KCNIP4: variants seen among roughly 807,000 people sequenced by gnomAD.
The protein encoded by KCNIP4 is Kv channel-interacting protein 4.
Under a neutral mutation model 34.0 loss-of-function variants are expected in KCNIP4, and 12 were observed. The ratio of observed to expected loss-of-function variants is 0.35; its 90% CI spans 0.23 to 0.57. KCNIP4 has a LOEUF of 0.57. Ranked by LOEUF, KCNIP4 falls within the 20% of genes least tolerant of loss-of-function variation. The pLI, the probability that KCNIP4 is intolerant of heterozygous loss-of-function variation, is 0.83. For synonymous variants in KCNIP4, 124 were observed against 102.2 expected (o/e 1.21, Z -1.29); for missense variants, 238 against 311.7 (o/e 0.76, Z 1.78).
chr4:21,263,658 T>C (rs147333679), intron 1 of KCNIP4, among the ~76,000 whole-genome samples: 6 of 152,180 alleles, frequency 3.9e-5, no homozygotes, highest in African/African-American at 1.4e-4. Context: ...TAGCCAACTT[T>C]CTGTTTAATT....
intron 1 of KCNIP4, among the ~76,000 whole-genome samples, chr4:21,803,164 T>C (rs1243593853): frequency 1.3e-5 from 2 of 152,194 alleles, no homozygotes; most frequent in African/African-American, 4.8e-5. Flanking sequence ...AAACGTGCCA[T>C]GCATCAAGCC....
intron 1 of KCNIP4, among the ~76,000 whole-genome samples, chr4:21,395,422 C>G (rs562825231): frequency 2.6e-5 from 4 of 152,122 alleles, no homozygotes; most frequent in East Asian, 1.9e-4. Flanking sequence ...CCTATAGAAG[C>G]CTTTTCTCCC....
chr4:21,310,221 T>C (rs1712998741), intron 1 of KCNIP4, among the ~76,000 whole-genome samples: 1 of 151,922 alleles, frequency 6.6e-6, no homozygotes, highest in African/African-American at 2.4e-5. Flanking sequence ...TTAGTAGAGA[T>C]GGAGTTTCAC....
At chr4:21,387,562 C>T (rs920392787) in intron 1 of KCNIP4, among the ~76,000 whole-genome samples, 11 of 152,128 alleles carry the variant, frequency 7.2e-5, no homozygotes, top group African/African-American at 2.7e-4. Flanking sequence ...ACCTTAAAAA[C>T]TTTTCCATTT....
chr4:21,005,078 T>C (rs1738443271), intron 1 of KCNIP4, among the ~76,000 whole-genome samples: 1 of 152,206 alleles, frequency 6.6e-6, no homozygotes, highest in Non-Finnish European at 1.5e-5. Flanking sequence ...GACCTTTTCA[T>C]ATAAAATATT....
At chr4:21,252,040 GA>G (rs751783350) in intron 1 of KCNIP4, among the ~76,000 whole-genome samples, 8 of 148,252 alleles carry the variant, frequency 5.4e-5, no homozygotes, top group African/African-American at 1.5e-4. Context: ...AATATAATGG[GA>G]AAAAAAACAT....
rs571544432 is a variant in KCNIP4, at chr4:21,392,879, A to G, written c.62-510170T>C. ...TATGTACAAAGACAAGCACATTAGC[A>G]TATTCTATCTCATATCTCCCTTAAA... On this transcript the variant is annotated intron_variant, in intron 1 of 8. Coordinates refer to ENST00000382152, the MANE Select transcript of KCNIP4 (RefSeq NM_025221.6). 3.3e-5 allele frequency among the ~76,000 whole-genome samples: 5 copies of G among 152,340 alleles called. No homozygotes were observed. The East Asian group carries it at 7.7e-4, about 24-fold the overall frequency.
intron 2 of KCNIP4, among the ~76,000 whole-genome samples, chr4:20,860,714 C>G (rs1406926446): frequency 1.3e-5 from 2 of 152,058 alleles, no homozygotes; most frequent in Non-Finnish European, 2.9e-5. Context: ...CTAATGATAT[C>G]TTATGTATTA....
At chr4:21,521,719 T>C (rs1019778105) in intron 1 of KCNIP4, among the ~76,000 whole-genome samples, 6 of 152,176 alleles carry the variant, frequency 3.9e-5, no homozygotes, top group African/African-American at 1.4e-4. Context: ...CAATTTGGAC[T>C]ACTGAAATGC....
chr4:20,983,774 C>T (rs945511443), intron 1 of KCNIP4: 20 of 1,501,838 alleles, frequency 1.3e-5, no homozygotes, highest in Non-Finnish European at 1.8e-5. Flanking sequence ...ACTTCTAAAC[C>T]AGACCTGCCC....
intron 1 of KCNIP4, among the ~76,000 whole-genome samples, chr4:21,187,457 C>T (rs1165434108): frequency 6.6e-6 from 1 of 152,190 alleles, no homozygotes; most frequent in African/African-American, 2.4e-5. Flanking sequence ...GTGAGACCTG[C>T]TCTGTCATCC....
At chr4:21,008,441 C>T (rs1403306115) in intron 1 of KCNIP4, among the ~76,000 whole-genome samples, 1 of 152,172 alleles carries the variant, frequency 6.6e-6, no homozygotes, top group Non-Finnish European at 1.5e-5. Context: ...ATTAAAAATA[C>T]AATTATTTAC....
At chr4:21,788,361 T>C (rs1720047881) in intron 1 of KCNIP4, among the ~76,000 whole-genome samples, 1 of 152,128 alleles carries the variant, frequency 6.6e-6, no homozygotes, top group South Asian at 2.1e-4. Context: ...ACAAAGTAAA[T>C]GGTGCACAAG....
intron 1 of KCNIP4, among the ~76,000 whole-genome samples, chr4:20,963,276 G>A (rs1395131722): frequency 2.0e-5 from 3 of 151,220 alleles, no homozygotes; most frequent in Non-Finnish European, 2.9e-5. Context: ...GCAGTGAGCC[G>A]AAATTGCACC....
At chr4:21,148,231 A>G (rs1222552238) in intron 1 of KCNIP4, among the ~76,000 whole-genome samples, 1 of 152,176 alleles carries the variant, frequency 6.6e-6, no homozygotes, top group Non-Finnish European at 1.5e-5. Context: ...AAGGAACTAT[A>G]TGCTTTATGA....
At position 21,442,799 on chromosome 4, in the gene KCNIP4, C is replaced by G. The variant is rs143665962; in HGVS notation, c.61+505772G>C. ...TATCCAGTCTCATAGCTTTAAATAC[C>G]TTTGATATGCTAGCAACTCCCAAGT... On this transcript the variant is annotated intron_variant, in intron 1 of 8. Transcript: ENST00000382152. 5.8e-4 allele frequency among the ~76,000 whole-genome samples: 89 copies of G among 152,184 alleles called. 3 individuals carry two copies. In the East Asian group the frequency reaches 0.017, roughly 29 times the overall value.
At chr4:21,137,166 C>T (rs976543853) in intron 1 of KCNIP4, among the ~76,000 whole-genome samples, 3 of 152,154 alleles carry the variant, frequency 2.0e-5, no homozygotes, top group East Asian at 1.9e-4. Context: ...GATTTCAAGG[C>T]CAGAAAGACC....
intron 1 of KCNIP4, among the ~76,000 whole-genome samples, chr4:21,199,620 G>A (rs1487984208): frequency 1.3e-5 from 2 of 151,806 alleles, no homozygotes. Context: ...TGCTTTTGGT[G>A]TTTTAGTCAT....
chr4:20,994,473 C>T (rs1737360111), intron 1 of KCNIP4, among the ~76,000 whole-genome samples: 1 of 152,102 alleles, frequency 6.6e-6, no homozygotes, highest in Non-Finnish European at 1.5e-5. Flanking sequence ...AACTAATTGT[C>T]ACAGAGAAAG....
Sources: allele counts gnomAD v4.1 joint callset (sites outside exome capture counted in the v4.1 genomes callset), GRCh38; gene constraint gnomAD v4.1.1; transcripts MANE v1.5; gene names NCBI Gene and HGNC (gene_info 2026-07-23, HGNC 2026-07-21).